The following CDH13 variants were observed in gnomAD, a reference collection of about 807,000 sequenced individuals.
CDH13 encodes the protein cadherin-13.
CDH13 carries 24 observed loss-of-function variants against 63.8 expected under a neutral mutation model. The ratio of observed to expected loss-of-function variants is 0.38; its 90% CI spans 0.27 to 0.53. CDH13 has a LOEUF of 0.53. CDH13 is among the 20% of genes least tolerant of loss of function. CDH13 has a pLI of 0.85. For missense variants in CDH13, 1,049 were observed against 903.1 expected (o/e 1.16, Z -2.07); for synonymous variants, 503 against 355.3 (o/e 1.42, Z -4.67).
At chr16:83,788,148 C>T (rs1223049563) in intron 13 of CDH13, among the ~76,000 whole-genome samples, 2 of 152,164 alleles carry the variant, frequency 1.3e-5, no homozygotes. Context: ...ACACATTGCC[C>T]TCTGTAAATC....
chr16:83,071,381 G>C (rs1002459471), intron 3 of CDH13, among the ~76,000 whole-genome samples: 1 of 152,172 alleles, frequency 6.6e-6, no homozygotes, highest in Non-Finnish European at 1.5e-5. Flanking sequence ...TCTGCCCAGA[G>C]ATGCTCCCCT....
rs573704734 is a variant in CDH13 at position 83,113,662 on chromosome 16, A to G, written c.367-11723A>G. Among the ~76,000 whole-genome samples, 18 of 152,326 alleles carry G rather than the reference A, an allele frequency of 1.2e-4. No individual in the cohort carries two copies. The South Asian group carries it at 3.7e-3, about 32-fold the overall frequency. ...CAAAGTGCAGCCAATCCTCATAGCAAAAGAGACCGAGGAAGCCTAGAAGTG... is the reference window on the plus strand; with the variant it reads ...CAAAGTGCAGCCAATCCTCATAGCAGAAGAGACCGAGGAAGCCTAGAAGTG... On this transcript the variant is annotated intron_variant, in intron 3 of 13. Coordinates refer to ENST00000567109, the MANE Select transcript of CDH13 (RefSeq NM_001257.5).
intron 1 of CDH13, among the ~76,000 whole-genome samples, chr16:82,649,709 G>C (rs1005058900): frequency 6.6e-6 from 1 of 152,100 alleles, no homozygotes; most frequent in African/African-American, 2.4e-5. Flanking sequence ...GGGGAAGGGA[G>C]AGGAGGGTAA....
chr16:83,540,065 ATTT>A (rs34129168), intron 7 of CDH13, among the ~76,000 whole-genome samples: 22 of 137,222 alleles, frequency 1.6e-4, no homozygotes, highest in Admixed American at 2.2e-4. Context: ...TTGTCAATAA[ATTT>A]TTTTTTTTTT....
chr16:83,524,815 G>A (rs181014783), intron 7 of CDH13, among the ~76,000 whole-genome samples: 114 of 152,204 alleles, frequency 7.5e-4, no homozygotes, highest in African/African-American at 2.6e-3. Flanking sequence ...GTAGCACTGA[G>A]AGTGTCAAGT....
At chr16:83,318,263 C>G (rs540767931) in intron 5 of CDH13, among the ~76,000 whole-genome samples, 75 of 152,288 alleles carry the variant, frequency 4.9e-4, no homozygotes, top group Non-Finnish European at 9.4e-4. Context: ...TGTGGGTTGT[C>G]TAGGGAAATT....
intron 3 of CDH13, among the ~76,000 whole-genome samples, chr16:83,097,197 C>G (rs1231599438): frequency 2.0e-5 from 3 of 152,170 alleles, no homozygotes; most frequent in Non-Finnish European, 4.4e-5. Context: ...TTGAGTCTAA[C>G]TGATATGAAA....
At chr16:82,760,442 G>A (rs1251661457) in intron 1 of CDH13, among the ~76,000 whole-genome samples, 1 of 152,088 alleles carries the variant, frequency 6.6e-6, no homozygotes, top group Non-Finnish European at 1.5e-5. Flanking sequence ...TATGAGTAGA[G>A]ACCAACTGAA....
At chr16:83,480,982 C>T (rs913942288) in intron 6 of CDH13, among the ~76,000 whole-genome samples, 1 of 152,218 alleles carries the variant, frequency 6.6e-6, no homozygotes, top group Non-Finnish European at 1.5e-5. Flanking sequence ...TCCATGACCA[C>T]ATTCTCCTTT....
chr16:83,001,559 G>T (rs554443660), intron 2 of CDH13, among the ~76,000 whole-genome samples: 2 of 152,310 alleles, frequency 1.3e-5, no homozygotes, highest in South Asian at 4.1e-4. Flanking sequence ...TTAAGAAAAA[G>T]AGAAATTGAC....
intron 7 of CDH13, among the ~76,000 whole-genome samples, chr16:83,581,219 C>T (rs1441829770): frequency 6.6e-6 from 1 of 152,148 alleles, no homozygotes; most frequent in Non-Finnish European, 1.5e-5. Flanking sequence ...TGGTCTCTGC[C>T]CTTCCGAAGC....
At chr16:83,529,567 C>G (rs2075037188) in intron 7 of CDH13, among the ~76,000 whole-genome samples, 1 of 151,874 alleles carries the variant, frequency 6.6e-6, no homozygotes, top group Non-Finnish European at 1.5e-5. Context: ...ATGTGCATGC[C>G]ATTTTTTTGT....
intron 6 of CDH13, among the ~76,000 whole-genome samples, chr16:83,375,341 G>C (rs1405410748): frequency 6.6e-6 from 1 of 152,202 alleles, no homozygotes. Flanking sequence ...CATGGTTTGT[G>C]GTTGTCTGTG....
At chr16:83,018,980 G>A (rs1042524719) in intron 2 of CDH13, among the ~76,000 whole-genome samples, 1 of 152,196 alleles carries the variant, frequency 6.6e-6, no homozygotes, top group Non-Finnish European at 1.5e-5. Context: ...TGAGTGGTGA[G>A]TGAATGTGAA....
intron 1 of CDH13, among the ~76,000 whole-genome samples, chr16:82,693,010 C>G (rs1006172968): frequency 6.6e-6 from 1 of 152,170 alleles, no homozygotes; most frequent in African/African-American, 2.4e-5. Context: ...CTCTCTCTTG[C>G]TGGCTTTGAT....
chr16:82,787,308 CA>C (rs1327819864), intron 1 of CDH13, among the ~76,000 whole-genome samples: 1 of 152,128 alleles, frequency 6.6e-6, no homozygotes, highest in Admixed American at 6.6e-5. Context: ...TGTCAAAAAA[CA>C]AACAACTTTC....
chr16:83,571,951 C>A (rs540192631), intron 7 of CDH13, among the ~76,000 whole-genome samples: 1 of 152,186 alleles, frequency 6.6e-6, no homozygotes, highest in South Asian at 2.1e-4. Context: ...TCTGGACTAA[C>A]TAGGGGAAGT....
In CDH13 at chr16:82,979,252, A is replaced by G. The variant is rs548238300; in HGVS notation, c.158-52758A>G. On this transcript the variant is annotated intron_variant, in intron 2 of 13. Coordinates refer to ENST00000567109, the MANE Select transcript of CDH13 (RefSeq NM_001257.5). ...TGTAGGCCTCGTCTCAGATGAGACT[A>G]TGGACTTGGAGTTTTCAGTTAATGC... 5.3e-5 allele frequency among the ~76,000 whole-genome samples: 8 copies of G among 152,244 alleles called. No individual in the cohort carries two copies. The East Asian group carries it at 1.6e-3, about 30-fold the overall frequency.
At chr16:83,026,920 G>A (rs568864286) in intron 2 of CDH13, among the ~76,000 whole-genome samples, 2 of 152,242 alleles carry the variant, frequency 1.3e-5, no homozygotes, top group South Asian at 2.1e-4. Flanking sequence ...TAAGCAGAGC[G>A]GCTGAGTGCC....
Sources: gnomAD v4.1 joint callset for allele counts (sites outside exome capture counted in the v4.1 genomes callset) on GRCh38, gnomAD v4.1.1 for gene constraint, MANE v1.5 for transcripts, NCBI Gene and HGNC (gene_info 2026-07-23, HGNC 2026-07-21) for gene names.